The following NF2 variants were observed in gnomAD, a reference collection of about 807,000 sequenced individuals.
NF2 encodes the protein merlin.
Under a neutral mutation model 83.7 loss-of-function variants are expected in NF2, and 8 were observed. The observed-to-expected ratio is 0.10, with a 90% confidence interval of 0.06 to 0.17. The LOEUF (loss-of-function observed/expected upper bound fraction) is 0.17. Among genes scored for constraint, NF2 ranks in the 10% least tolerant of loss-of-function variants. The pLI, the probability that NF2 is intolerant of heterozygous loss-of-function variation, is 1.00. For missense variants in NF2, 533 were observed against 744.4 expected, an observed-to-expected ratio of 0.72 and a Z score of 3.31; for synonymous variants, 266 against 269.6, an observed-to-expected ratio of 0.99 and a Z score of 0.13.
chr22:29,657,707 C>G (rs549648725), intron 6 of NF2, among the ~76,000 whole-genome samples: 1 of 152,330 alleles, frequency 6.6e-6, no homozygotes, highest in African/African-American at 2.4e-5. Flanking sequence ...TTGGGTTTTA[C>G]AACCCAGATA....
At chr22:29,682,371 C>A (rs2067161127) in intron 15 of NF2, among the ~76,000 whole-genome samples, 1 of 152,066 alleles carries the variant, frequency 6.6e-6, no homozygotes, top group Admixed American at 6.6e-5. Flanking sequence ...TATTCTTTAC[C>A]TCAGTCTTTA....
In NF2 at chr22:29,695,400, G is replaced by A; in HGVS notation, c.*598G>A. On this transcript the variant is annotated 3_prime_UTR_variant, in exon 16 of 16. Coordinates refer to ENST00000338641, the MANE Select transcript of NF2 (RefSeq NM_000268.4). This position sits in a 1 kb window ranked among gnomAD's most constrained non-coding sequence, Gnocchi z 5.4. ...CGAGGCGGCGCTCTGGCTGGCAGCT[G>A]GTGGGGAATAGGCAGGGCAGCTGTG... The A allele has an allele frequency of 3.8e-6, 1 of 263,870 alleles. No individual in the cohort carries two copies. The highest frequency in any genetic ancestry group is 5.2e-5 in the East Asian group (1 of 19,188). 16.3% of individuals were successfully genotyped at this position (263,870 alleles called of 1,614,324 possible).
chr22:29,606,005 A>G (rs1315888473), intron 1 of NF2, among the ~76,000 whole-genome samples: 1 of 151,952 alleles, frequency 6.6e-6, no homozygotes, highest in Non-Finnish European at 1.5e-5. Flanking sequence ...CTCAAACTGG[A>G]GTGCAATGGT....
At chr22:29,624,356 C>CTT in intron 1 of NF2, among the ~76,000 whole-genome samples, 1 of 152,218 alleles carries the variant, frequency 6.6e-6, no homozygotes, top group Admixed American at 6.5e-5. Context: ...TATAGGAGTG[C>CTT]ACCACCACGC....
intron 1 of NF2, among the ~76,000 whole-genome samples, chr22:29,630,503 G>A (rs2065479609): frequency 6.6e-6 from 1 of 152,216 alleles, no homozygotes; most frequent in Admixed American, 6.5e-5. Flanking sequence ...TAATGGGTGA[G>A]CACAGCCACA....
rs1356896723 is a variant in NF2 at position 29,649,029 on chromosome 22, C to T, written c.448-5628C>T. Among the ~76,000 whole-genome samples, 3 of 152,110 alleles carry T rather than the reference C, an allele frequency of 2.0e-5. No individual in the cohort carries two copies. The East Asian group carries it at 5.8e-4, about 29-fold the overall frequency. On this transcript the variant is annotated intron_variant, in intron 4 of 15. Transcript: ENST00000338641. ...CTATTGGTGAAACAGATGCAATGGA[C>T]ATCCTTGAATATGCATCTTTGGGCA...
rs546813652 is a variant in NF2 at position 29,689,575 on chromosome 22, T to A, written c.1738-5177T>A. 3.3e-5 allele frequency among the ~76,000 whole-genome samples: 5 copies of A among 152,274 alleles called. No homozygotes were observed. The South Asian group carries it at 1.0e-3, about 32-fold the overall frequency. On this transcript the variant is annotated intron_variant, in intron 15 of 15. Transcript: ENST00000338641. ...AGGTTAGTATCTAAAATGGGTTCAG[T>A]ACTGTGAGTCTTATTGTTTAAAATG... is the stretch of plus-strand genomic sequence containing the variant.
intron 15 of NF2, among the ~76,000 whole-genome samples, chr22:29,687,264 G>T (rs943653312): frequency 6.6e-6 from 1 of 152,174 alleles, no homozygotes; most frequent in African/African-American, 2.4e-5. Flanking sequence ...ATTAGTAAAT[G>T]GTTTGAACCG....
At chr22:29,640,212 AAAAAAAAG>A (rs1337479184) in intron 3 of NF2, among the ~76,000 whole-genome samples, 5 of 150,996 alleles carry the variant, frequency 3.3e-5, no homozygotes, top group African/African-American at 1.2e-4. Flanking sequence ...AAAAAAAAAA[AAAAAAAAG>A]AGGACTTCAG....
Position 29,696,223 on chromosome 22 carries a change from A to ATG in NF2, c.*1421_*1422insTG, listed in dbSNP as rs2067550137. ...CAAGTAGCTGGGACTACAGGCATGCACCACCACACTTGGCCAATGTTCTGT... is the reference window on the plus strand; with the variant it reads ...CAAGTAGCTGGGACTACAGGCATGCATGCCACCACACTTGGCCAATGTTCTGT... On this transcript the variant is annotated 3_prime_UTR_variant, in exon 16 of 16. Coordinates refer to ENST00000338641, the MANE Select transcript of NF2 (RefSeq NM_000268.4). 1 of 218,138 alleles carries ATG rather than the reference A, an allele frequency of 4.6e-6. No homozygotes were observed. The highest frequency in any genetic ancestry group is 9.2e-6 in the Non-Finnish European group (1 of 108,836). 13.5% of individuals were successfully genotyped at this position (218,138 alleles called of 1,614,324 possible).
intron 1 of NF2, among the ~76,000 whole-genome samples, chr22:29,615,557 G>A (rs1429063767): frequency 6.6e-6 from 1 of 152,056 alleles, no homozygotes; most frequent in Admixed American, 6.6e-5. Context: ...TAATCAAAGC[G>A]AGACCCTGTC....
chr22:29,616,259 C>T (rs2065078006), intron 1 of NF2, among the ~76,000 whole-genome samples: 1 of 152,124 alleles, frequency 6.6e-6, no homozygotes, highest in Non-Finnish European at 1.5e-5. Context: ...TGGTTGTACA[C>T]ACTGAATGTA....
intron 4 of NF2, among the ~76,000 whole-genome samples, chr22:29,652,066 A>G (rs2066163812): frequency 6.6e-6 from 1 of 152,176 alleles, no homozygotes; most frequent in African/African-American, 2.4e-5. Context: ...CTTCATCCTC[A>G]TCATCCCCTA....
rs1267125110 is a variant in NF2 at position 29,609,217 on chromosome 22, T to C, written c.114+5105T>C. 4 of 734,440 alleles carry C rather than the reference T, an allele frequency of 5.4e-6. No homozygotes were observed. In the African/African-American group the frequency reaches 6.9e-5, roughly 13 times the overall value. The allele number at this position is 734,440 out of a possible 1,614,324, so 45.5% of individuals were successfully genotyped here. A position where few individuals can be genotyped will look rare whatever the true frequency, so the allele number is the denominator to read the frequency against. The stretch of plus-strand genomic sequence containing the variant: ...TTCAGTATTTGGCACCATGGGCTAA[T>C]CAACTAGGTATGACCTTGGTTATGA... On this transcript the variant is annotated intron_variant, in intron 1 of 15. Coordinates refer to ENST00000338641, the MANE Select transcript of NF2 (RefSeq NM_000268.4).
At chr22:29,688,010 A>G (rs1273921816) in intron 15 of NF2, among the ~76,000 whole-genome samples, 1 of 152,192 alleles carries the variant, frequency 6.6e-6, no homozygotes, top group African/African-American at 2.4e-5. Context: ...GGCCACTCCT[A>G]CCACTCTCAC....
intron 1 of NF2, among the ~76,000 whole-genome samples, chr22:29,633,674 G>A (rs376054537): frequency 2.5e-4 from 38 of 152,234 alleles, no homozygotes; most frequent in East Asian, 1.2e-3. Flanking sequence ...CCCCATTCCC[G>A]CCATGCCACC....
intron 1 of NF2, among the ~76,000 whole-genome samples, chr22:29,631,492 C>A (rs1246363869): frequency 2.0e-5 from 3 of 152,192 alleles, no homozygotes; most frequent in Non-Finnish European, 4.4e-5. Flanking sequence ...GTCTTGTCCT[C>A]AATTCATCAT....
intron 1 of NF2, among the ~76,000 whole-genome samples, chr22:29,605,060 A>C (rs2064749806): frequency 6.6e-6 from 1 of 152,086 alleles, no homozygotes; most frequent in African/African-American, 2.4e-5. Flanking sequence ...GGCTTACTGC[A>C]ACCCTGACCA....
intron 1 of NF2, among the ~76,000 whole-genome samples, chr22:29,627,682 T>C (rs1379336403): frequency 6.6e-6 from 1 of 152,172 alleles, no homozygotes; most frequent in Non-Finnish European, 1.5e-5. Context: ...GCGGGAAAGA[T>C]GCCAGAAACT....
Sources: allele counts gnomAD v4.1 joint callset (sites outside exome capture counted in the v4.1 genomes callset), GRCh38; gene constraint gnomAD v4.1.1; non-coding constraint Gnocchi (gnomAD v3.1); transcripts MANE v1.5; gene names NCBI Gene and HGNC (gene_info 2026-07-23, HGNC 2026-07-21).